TTC28: variants seen among roughly 807,000 people sequenced by gnomAD.
TTC28 encodes tetratricopeptide repeat protein 28.
A neutral mutation model predicts 198.0 loss-of-function variants in TTC28; 61 were observed. That is an observed-to-expected ratio of 0.31 (90% CI 0.25 to 0.38). The LOEUF (loss-of-function observed/expected upper bound fraction) is 0.38, where lower values mean the gene tolerates loss of function less well. TTC28 is among the 10% of genes least tolerant of loss of function. TTC28 has a pLI of 1.00. For synonymous variants in TTC28, 1,171 were observed against 1,297.8 expected (o/e 0.90, Z 2.10); for missense variants, 2,678 against 3,164.0 (o/e 0.85, Z 3.69).
chr22:28,300,013 T>C (rs564769523), intron 3 of TTC28, among the ~76,000 whole-genome samples: 45 of 152,188 alleles, frequency 3.0e-4, no homozygotes, highest in Admixed American at 5.9e-4. Context: ...AGCATAACCA[T>C]TGCAACCAAA....
chr22:28,379,765 TTA>T (rs1296318719), intron 2 of TTC28, among the ~76,000 whole-genome samples: 5 of 152,162 alleles, frequency 3.3e-5, no homozygotes, highest in Non-Finnish European at 7.4e-5. Flanking sequence ...ATGGTAAATT[TTA>T]TGTTATGTGT....
chr22:28,130,988 A>C (rs1203462102), intron 6 of TTC28, among the ~76,000 whole-genome samples: 1 of 152,224 alleles, frequency 6.6e-6, no homozygotes, highest in African/African-American at 2.4e-5. Flanking sequence ...ATACTCAATT[A>C]TCCCTTTTAT....
In TTC28 at chr22:28,591,302, A is replaced by G. The variant is rs566470479; in HGVS notation, c.381+38250T>C. Reference sequence around the variant, plus strand: ...TTTTTATATATATATTTGTAGAGACAGGGTATTGCTATGTTCCCCAGGCTG... The same window carrying G: ...TTTTTATATATATATTTGTAGAGACGGGGTATTGCTATGTTCCCCAGGCTG... On this transcript the variant is annotated intron_variant, in intron 2 of 22. Transcript: ENST00000397906. Among the ~76,000 whole-genome samples, 22 of 151,304 alleles carry G rather than the reference A, an allele frequency of 1.5e-4. No individual in the cohort carries two copies. In the East Asian group the frequency reaches 4.1e-3, roughly 28 times the overall value.
intron 2 of TTC28, among the ~76,000 whole-genome samples, chr22:28,365,048 T>C (rs1031352293): frequency 6.6e-6 from 1 of 152,134 alleles, no homozygotes; most frequent in African/African-American, 2.4e-5. Flanking sequence ...GAAGAGTCAA[T>C]CAATGCAGCA....
intron 5 of TTC28, among the ~76,000 whole-genome samples, chr22:28,217,058 C>T (rs1927463490): frequency 6.6e-6 from 1 of 152,056 alleles, no homozygotes; most frequent in Non-Finnish European, 1.5e-5. Flanking sequence ...AAACGTTTAG[C>T]TTCAGTGTGG....
At chr22:28,271,662 T>TG (rs1275579837) in intron 5 of TTC28, among the ~76,000 whole-genome samples, 1 of 152,106 alleles carries the variant, frequency 6.6e-6, no homozygotes, top group Non-Finnish European at 1.5e-5. Flanking sequence ...TGGAGTGCAA[T>TG]GGCATGATCT....
At chr22:28,623,380 A>G (rs2051030529) in intron 2 of TTC28, among the ~76,000 whole-genome samples, 1 of 152,240 alleles carries the variant, frequency 6.6e-6, no homozygotes, top group South Asian at 2.1e-4. Flanking sequence ...TAGAGCTTCA[A>G]TATATATGAA....
intron 2 of TTC28, among the ~76,000 whole-genome samples, chr22:28,570,148 G>C (rs1241054890): frequency 6.6e-6 from 1 of 152,164 alleles, no homozygotes; most frequent in African/African-American, 2.4e-5. Flanking sequence ...AAAGCAGTTT[G>C]GAGATTTCTC....
chr22:28,487,779 T>G (rs578168305), intron 2 of TTC28, among the ~76,000 whole-genome samples: 1 of 152,298 alleles, frequency 6.6e-6, no homozygotes, highest in Admixed American at 6.5e-5. Flanking sequence ...ATATCCTCCC[T>G]GATTATGACT....
At chr22:28,605,075 T>C (rs1402212783) in intron 2 of TTC28, among the ~76,000 whole-genome samples, 1 of 152,178 alleles carries the variant, frequency 6.6e-6, no homozygotes, top group African/African-American at 2.4e-5. Flanking sequence ...ACATAAATAA[T>C]TGAGCTCCTA....
chr22:28,047,057 T>C (rs1164561668), intron 12 of TTC28, among the ~76,000 whole-genome samples: 2 of 152,086 alleles, frequency 1.3e-5, no homozygotes, highest in Admixed American at 6.5e-5. Context: ...AAACTGGTGA[T>C]TTCTTTGGAG....
intron 12 of TTC28, among the ~76,000 whole-genome samples, chr22:28,052,433 G>C (rs1601563788): frequency 6.6e-6 from 1 of 152,142 alleles, no homozygotes; most frequent in Non-Finnish European, 1.5e-5. Context: ...GCCCCAGGAA[G>C]CCCAGCCAGT....
chr22:28,188,657 TG>T (rs1449330893), intron 5 of TTC28, among the ~76,000 whole-genome samples: 1 of 152,182 alleles, frequency 6.6e-6, no homozygotes, highest in African/African-American at 2.4e-5. Context: ...AGTGAAAGTC[TG>T]CATCCTGAAT....
intron 2 of TTC28, among the ~76,000 whole-genome samples, chr22:28,392,654 G>A (rs1481585527): frequency 6.6e-6 from 1 of 152,170 alleles, no homozygotes; most frequent in Non-Finnish European, 1.5e-5. Flanking sequence ...GGAACTCCCT[G>A]ACTCCTTGCG....
intron 2 of TTC28, among the ~76,000 whole-genome samples, chr22:28,404,408 C>T (rs532020477): frequency 2.1e-4 from 32 of 152,284 alleles, no homozygotes; most frequent in African/African-American, 7.5e-4. Context: ...TGAGACACCG[C>T]GCCCGGCCTA....
chr22:28,530,145 G>A (rs565954199), intron 2 of TTC28, among the ~76,000 whole-genome samples: 1 of 152,168 alleles, frequency 6.6e-6, no homozygotes. Flanking sequence ...CCACTGCAAA[G>A]AAGCTAAAAA....
chr22:28,219,249 C>G (rs1601493218), intron 5 of TTC28, among the ~76,000 whole-genome samples: 1 of 152,262 alleles, frequency 6.6e-6, no homozygotes, highest in Non-Finnish European at 1.5e-5. Context: ...TGGCTCACGC[C>G]TGTAATCCCA....
chr22:28,589,440 C>T (rs73430168), intron 2 of TTC28, among the ~76,000 whole-genome samples: 18,112 of 152,174 alleles, frequency 0.12, 1,194 homozygotes, highest in African/African-American at 0.13. Flanking sequence ...ATAAGAAAGT[C>T]CCCTCTGCTT....
At chr22:28,226,154 T>G (rs1928326014) in intron 5 of TTC28, among the ~76,000 whole-genome samples, 1 of 152,202 alleles carries the variant, frequency 6.6e-6, no homozygotes. Context: ...TAGTGTAAAT[T>G]TGTAGGAGTG....
Sources: gnomAD v4.1 joint callset for allele counts (sites outside exome capture counted in the v4.1 genomes callset) on GRCh38, gnomAD v4.1.1 for gene constraint, MANE v1.5 for transcripts, NCBI Gene and HGNC (gene_info 2026-07-23, HGNC 2026-07-21) for gene names.